The following PDGFRL variants were observed in gnomAD, a reference collection of about 807,000 sequenced individuals.
The protein encoded by PDGFRL is platelet-derived growth factor receptor-like protein.
A neutral mutation model predicts 37.2 loss-of-function variants in PDGFRL; 46 were observed. That is an observed-to-expected ratio of 1.24 (90% CI 0.98 to 1.58). PDGFRL has a LOEUF of 1.58. Ranked by LOEUF, PDGFRL falls within the 40% of genes most tolerant of loss-of-function variation. PDGFRL has a pLI of 0.00. For synonymous variants in PDGFRL, 251 were observed against 184.3 expected (o/e 1.36, Z -2.93); for missense variants, 692 against 467.6 (o/e 1.48, Z -4.43).
intron 5 of PDGFRL, among the ~76,000 whole-genome samples, chr8:17,640,194 T>C (rs1459943324): frequency 2.0e-5 from 3 of 149,098 alleles, no homozygotes; most frequent in Non-Finnish European, 4.6e-5. Flanking sequence ...CTGTATCTTT[T>C]TTGATTTAAT....
chr8:17,609,475 G>GAA (rs879288653), intron 2 of PDGFRL, among the ~76,000 whole-genome samples: 1 of 141,000 alleles, frequency 7.1e-6, no homozygotes, highest in Non-Finnish European at 1.6e-5. Flanking sequence ...ACTCTGTCTG[G>GAA]AAAAAAAAAA....
chr8:17,600,484 G>A (rs189463597), intron 2 of PDGFRL, among the ~76,000 whole-genome samples: 1 of 152,076 alleles, frequency 6.6e-6, no homozygotes, highest in Non-Finnish European at 1.5e-5. Context: ...GAGCTACCTA[G>A]CTGCCTGCTC....
At chr8:17,634,951 A>G (rs534175970) in intron 5 of PDGFRL, among the ~76,000 whole-genome samples, 22 of 150,294 alleles carry the variant, frequency 1.5e-4, no homozygotes, top group African/African-American at 5.5e-4. Flanking sequence ...TTGCACATAT[A>G]CCCCTGAACC....
chr8:17,584,390 T>A (rs1370303720), intron 1 of PDGFRL, among the ~76,000 whole-genome samples: 6 of 151,894 alleles, frequency 4.0e-5, no homozygotes, highest in African/African-American at 1.4e-4. Context: ...AGATCTGGAG[T>A]GTAGAGGCGG....
At chr8:17,600,026 C>A (rs117565738) in intron 2 of PDGFRL, among the ~76,000 whole-genome samples, 1 of 152,152 alleles carries the variant, frequency 6.6e-6, no homozygotes, top group African/African-American at 2.4e-5. Flanking sequence ...TCTGCCTTGA[C>A]CCCCATGCAC....
At chr8:17,592,239 C>T (rs188392144) in intron 2 of PDGFRL, among the ~76,000 whole-genome samples, 71 of 152,298 alleles carry the variant, frequency 4.7e-4, no homozygotes, top group African/African-American at 1.6e-3. Context: ...TGCTTTTGCG[C>T]CAACCTAATA....
At chr8:17,628,883 CT>C in intron 4 of PDGFRL, 103 bp downstream of exon 4, 1 of 734,362 alleles carries the variant, frequency 1.4e-6, no homozygotes, top group South Asian at 1.8e-5. Context: ...CCATGAGTGC[CT>C]TTTGTTTCAT....
intron 1 of PDGFRL, among the ~76,000 whole-genome samples, chr8:17,588,571 G>A (rs1803866798): frequency 6.6e-6 from 1 of 152,134 alleles, no homozygotes; most frequent in African/African-American, 2.4e-5. Flanking sequence ...TACTCAGGAG[G>A]CTGAGGCAGG....
Position 17,628,877 on chromosome 8 carries a change from G to A in PDGFRL, c.799+97G>A. The A allele has an allele frequency of 3.9e-6, 3 of 767,886 alleles. No individual in the cohort carries two copies. The South Asian group carries it at 5.2e-5, about 13-fold the overall frequency. The allele number at this position is 767,886 out of a possible 1,614,324, so 47.6% of individuals were successfully genotyped here. A position where few individuals can be genotyped will look rare whatever the true frequency, so the allele number is the denominator to read the frequency against. On this transcript the variant is annotated intron_variant, in intron 4 of 5. Coordinates refer to ENST00000251630, the MANE Select transcript of PDGFRL (RefSeq NM_001372073.1). ...TGCAGATGGAATAAGGAAGCTCCAT[G>A]AGTGCCTTTTGTTTCATTGTTGTTG... is the stretch of plus-strand genomic sequence containing the variant.
At chr8:17,583,957 A>G (rs1803762605) in intron 1 of PDGFRL, among the ~76,000 whole-genome samples, 1 of 152,160 alleles carries the variant, frequency 6.6e-6, no homozygotes, top group Non-Finnish European at 1.5e-5. Flanking sequence ...TGCATAAATG[A>G]TTCAGCCTCA....
chr8:17,609,332 C>G (rs1316802877), intron 2 of PDGFRL, among the ~76,000 whole-genome samples: 3 of 152,026 alleles, frequency 2.0e-5, no homozygotes, highest in Non-Finnish European at 4.4e-5. Flanking sequence ...CATGATGAAA[C>G]CCTATGTCTA....
chr8:17,578,559 C>A (rs1471611248), intron 1 of PDGFRL, among the ~76,000 whole-genome samples: 3 of 152,154 alleles, frequency 2.0e-5, no homozygotes, highest in African/African-American at 7.2e-5. Context: ...TCCTGGCAGG[C>A]CCTTGTGTGC....
At chr8:17,603,337 C>T (rs2129669745) in intron 2 of PDGFRL, among the ~76,000 whole-genome samples, 1 of 152,262 alleles carries the variant, frequency 6.6e-6, no homozygotes, top group East Asian at 1.9e-4. Flanking sequence ...GTGTATGTAC[C>T]CACACAGGGA....
At chr8:17,600,514 T>C (rs1423733247) in intron 2 of PDGFRL, among the ~76,000 whole-genome samples, 2 of 152,038 alleles carry the variant, frequency 1.3e-5, no homozygotes, top group African/African-American at 4.8e-5. Context: ...GCTTGGATCT[T>C]TCATGAGCTT....
chr8:17,599,652 T>A (rs1804126313), intron 2 of PDGFRL, among the ~76,000 whole-genome samples: 1 of 152,214 alleles, frequency 6.6e-6, no homozygotes, highest in Non-Finnish European at 1.5e-5. Flanking sequence ...ACCTCACGTT[T>A]GCTTGGCAAA....
intron 5 of PDGFRL, among the ~76,000 whole-genome samples, chr8:17,641,617 C>T (rs1031175444): frequency 6.6e-6 from 1 of 152,186 alleles, no homozygotes; most frequent in Non-Finnish European, 1.5e-5. Flanking sequence ...TTAAAGTAGA[C>T]TTCTCATAAA....
chr8:17,581,862 C>G, intron 1 of PDGFRL, among the ~76,000 whole-genome samples: 1 of 152,018 alleles, frequency 6.6e-6, no homozygotes, highest in East Asian at 1.9e-4. Context: ...TATAGCAATG[C>G]GAAATGAACT....
intron 1 of PDGFRL, among the ~76,000 whole-genome samples, chr8:17,584,957 T>A (rs894107436): frequency 6.6e-6 from 1 of 152,126 alleles, no homozygotes; most frequent in Non-Finnish European, 1.5e-5. Context: ...TTCTTGATTA[T>A]ATGCTAAACA....
At chr8:17,631,449 G>GC (rs1285891424) in intron 4 of PDGFRL, among the ~76,000 whole-genome samples, 1 of 152,052 alleles carries the variant, frequency 6.6e-6, no homozygotes, top group Non-Finnish European at 1.5e-5. Flanking sequence ...CGTGTTCTCA[G>GC]CCATGGTGCT....
Sources: allele counts gnomAD v4.1 joint callset (sites outside exome capture counted in the v4.1 genomes callset), GRCh38; gene constraint gnomAD v4.1.1; transcripts MANE v1.5; gene names NCBI Gene and HGNC (gene_info 2026-07-23, HGNC 2026-07-21).